CFTR: variants seen among roughly 807,000 people sequenced by gnomAD.
CFTR encodes the protein cystic fibrosis transmembrane conductance regulator.
Under a neutral mutation model 171.6 loss-of-function variants are expected in CFTR, and 181 were observed. The observed-to-expected ratio is 1.05, with a 90% CI of 0.93 to 1.19. The LOEUF (loss-of-function observed/expected upper bound fraction) is 1.19, where lower values mean the gene tolerates loss of function less well. Ranked by LOEUF, CFTR falls within the 50% of genes most tolerant of loss-of-function variation. CFTR has a pLI of 0.00. For missense variants in CFTR, 1,968 were observed against 1,734.7 expected, an observed-to-expected ratio of 1.13 and a Z score of -2.39; for synonymous variants, 583 against 608.0, an observed-to-expected ratio of 0.96 and a Z score of 0.60.
At position 117,548,713 on chromosome 7, in the gene CFTR, C is replaced by G; in HGVS notation, c.1282C>G (p.Leu428Val). The G allele has an allele frequency of 1.9e-6, 3 of 1,613,404 alleles. No individual in the cohort carries two copies. The highest frequency in any genetic ancestry group is 1.1e-5 in the South Asian group (1 of 91,036). ...NRKTSNGDDS[L>V]FFSNFSLLGT... ...AAAAACTTCTAATGGTGATGACAGC[C>G]TCTTCTTCAGTAATTTCTCACTTCT... The change falls in exon 10 of 27, where the codon CTC becomes GTC. Residue 428 changes from leucine to valine, a missense_variant. Transcript: ENST00000003084.
intron 4 of CFTR, among the ~76,000 whole-genome samples, chr7:117,533,467 G>C (rs746398832): frequency 3.9e-5 from 6 of 152,070 alleles, no homozygotes; most frequent in Non-Finnish European, 8.8e-5. Context: ...CCTTGAAGAA[G>C]GGATTGTGTT....
intron 11 of CFTR, among the ~76,000 whole-genome samples, chr7:117,567,366 A>G (rs34063663): frequency 1.1e-4 from 16 of 152,348 alleles, no homozygotes; most frequent in Admixed American, 1.0e-3. Context: ...CTATAGCCAT[A>G]GAAAAATATT....
At position 117,531,068 on chromosome 7, in the gene CFTR, T is replaced by C. The variant is rs35516286; in HGVS notation, c.443T>C (p.Ile148Thr). The C allele has an allele frequency of 1.5e-3, 2,383 of 1,613,710 alleles. 12 individuals are homozygous for C. Among genetic ancestry groups the C allele is most frequent in the Middle Eastern group, 6.8e-3 (41 of 6,056 alleles). Residue 148 changes from isoleucine to threonine, a missense_variant, in exon 4 of 27, where the codon ATT (isoleucine) becomes ACT (threonine). Physicochemically the swap from Ile to Thr is moderately conservative, Grantham distance 89. Coordinates refer to ENST00000003084, the MANE Select transcript of CFTR (RefSeq NM_000492.4). ...CCAGCCATTTTTGGCCTTCATCACA[T>C]TGGAATGCAGATGAGAATAGCTATG... ...LHPAIFGLHH[I>T]GMQMRIAMFS...
chr7:117,590,565 A>G (rs146702478), intron 13 of CFTR, 126 bp downstream of exon 13: 1 of 1,206,720 alleles, frequency 8.3e-7, no homozygotes. Flanking sequence ...GGCAGAATGT[A>G]GCATGGTATT....
At chr7:117,568,902 C>A (rs947251104) in intron 11 of CFTR, among the ~76,000 whole-genome samples, 11 of 152,154 alleles carry the variant, frequency 7.2e-5, no homozygotes, top group Non-Finnish European at 1.2e-4. Context: ...TCTTCCCATT[C>A]GTCTCTCCTC....
chr7:117,612,686 G>A (rs139002145), intron 20 of CFTR, among the ~76,000 whole-genome samples: 1 of 152,106 alleles, frequency 6.6e-6, no homozygotes, highest in Non-Finnish European at 1.5e-5. Context: ...ATTTGCTGGA[G>A]TTACAGAAAG....
At chr7:117,522,481 A>G (rs1798699578) in intron 3 of CFTR, among the ~76,000 whole-genome samples, 1 of 152,216 alleles carries the variant, frequency 6.6e-6, no homozygotes, top group African/African-American at 2.4e-5. Context: ...TTTCACCATC[A>G]CGCTGGCTTA....
In CFTR at chr7:117,594,998, T is replaced by G; in HGVS notation, c.2559T>G (p.Ile853Met). The change falls in exon 15 of 27, where the codon ATT becomes ATG. Residue 853 changes from isoleucine to methionine, a missense_variant. Ile to Met is a conservative substitution (Grantham distance 10, BLOSUM62 1). Coordinates refer to ENST00000003084, the MANE Select transcript of CFTR (RefSeq NM_000492.4). ...CATGGAACACATACCTTCGATATAT[T>G]ACTGTCCACAAGAGCTTAATTTTTG... is the stretch of plus-strand genomic sequence containing the variant. ...VTTWNTYLRYITVHKSLIFVL... is the reference protein window; with the variant it reads ...VTTWNTYLRYMTVHKSLIFVL... 6.2e-7 allele frequency: 1 copy of G among 1,613,018 alleles called. No homozygotes were observed. The highest frequency in any genetic ancestry group is 8.5e-7 in the Non-Finnish European group (1 of 1,179,312).
In CFTR at chr7:117,533,794, G is replaced by A. The variant is rs144789019; in HGVS notation, c.490-482G>A. Among the ~76,000 whole-genome samples, 147 of 152,010 alleles carry A rather than the reference G, an allele frequency of 9.7e-4. 3 individuals are homozygous for A. Among genetic ancestry groups the A allele is most frequent in the Middle Eastern group, 6.8e-3 (2 of 294 alleles). On this transcript the variant is annotated intron_variant, in intron 4 of 26. Transcript: ENST00000003084. Reference sequence around the variant, plus strand: ...TTTCTTTGTAAAATTTAAGAATTTTGTATTAATAAACTTTTTTACAAAAGT... The same window carrying A: ...TTTCTTTGTAAAATTTAAGAATTTTATATTAATAAACTTTTTTACAAAAGT...
intron 7 of CFTR, among the ~76,000 whole-genome samples, chr7:117,538,161 T>C (rs1279981269): frequency 6.6e-6 from 1 of 152,180 alleles, no homozygotes; most frequent in Non-Finnish European, 1.5e-5. Context: ...GACATAAATA[T>C]GGGACAGCAA....
At chr7:117,650,074 G>C (rs903706672) in intron 23 of CFTR, among the ~76,000 whole-genome samples, 13 of 151,862 alleles carry the variant, frequency 8.6e-5, no homozygotes, top group African/African-American at 2.9e-4. Context: ...AAGTAGGAGG[G>C]GCTAAACCAT....
chr7:117,500,622 A>C (rs1798309649), intron 1 of CFTR, among the ~76,000 whole-genome samples: 2 of 152,074 alleles, frequency 1.3e-5, no homozygotes, highest in Admixed American at 1.3e-4. Flanking sequence ...AATTTTATTG[A>C]TTTAACCTCA....
chr7:117,519,785 A>G (rs533392288), intron 3 of CFTR, among the ~76,000 whole-genome samples: 110 of 152,074 alleles, frequency 7.2e-4, no homozygotes, highest in Non-Finnish European at 1.4e-3. Flanking sequence ...ATATGGCTGT[A>G]CCATGATTTA....
intron 15 of CFTR, among the ~76,000 whole-genome samples, chr7:117,600,091 A>G (rs1297592329): frequency 1.3e-5 from 2 of 151,990 alleles, no homozygotes; most frequent in Non-Finnish European, 2.9e-5. Flanking sequence ...GCAATATGAA[A>G]TATGTAGTCT....
At chr7:117,584,774 C>T (rs903955532) in intron 11 of CFTR, among the ~76,000 whole-genome samples, 7 of 152,020 alleles carry the variant, frequency 4.6e-5, no homozygotes, top group Non-Finnish European at 1.0e-4. Context: ...TGGTCATTTT[C>T]ATAGTATTGA....
chr7:117,633,336 AT>A lies in CFTR; in HGVS notation c.3717+5574del, dbSNP rs373569782. Among the ~76,000 whole-genome samples the A allele has an allele frequency of 2.3e-4, 35 of 151,960 alleles. No individual in the cohort carries two copies. The East Asian group carries it at 4.4e-3, about 19-fold the overall frequency. On this transcript the variant is annotated intron_variant, in intron 22 of 26. Coordinates refer to ENST00000003084, the MANE Select transcript of CFTR (RefSeq NM_000492.4). ...TTCATTGCTGTTATATAGGAAAATGATTTTTTTTGCATGTTAGCCTTATATC... is the reference window on the plus strand; with the variant it reads ...TTCATTGCTGTTATATAGGAAAATGATTTTTTTGCATGTTAGCCTTATATC...
intron 26 of CFTR, among the ~76,000 whole-genome samples, chr7:117,666,428 G>T (rs945358003): frequency 1.3e-5 from 2 of 152,102 alleles, no homozygotes; most frequent in African/African-American, 4.8e-5. Context: ...GCCCTGCCAT[G>T]GACAAGTTCA....
In CFTR at chr7:117,594,919, C is replaced by A. The variant is rs397508384; in HGVS notation, c.2491-11C>A. 1 of 1,612,112 alleles carries A rather than the reference C, an allele frequency of 6.2e-7. No homozygotes were observed. ...CTGTCTTATTGTAATAGCCATAATT[C>A]TTTTATTCAGGAGTGCTTTTTTGAT... On this transcript the variant is annotated splice_polypyrimidine_tract_variant and intron_variant, in intron 14 of 26. Transcript: ENST00000003084.
intron 11 of CFTR, among the ~76,000 whole-genome samples, chr7:117,568,828 A>C (rs1463417273): frequency 1.3e-5 from 2 of 152,172 alleles, no homozygotes; most frequent in African/African-American, 4.8e-5. Flanking sequence ...TGGCCACACT[A>C]TACAATAGAG....
Sources: gnomAD v4.1 joint callset for allele counts (sites outside exome capture counted in the v4.1 genomes callset) on GRCh38, gnomAD v4.1.1 for gene constraint, MANE v1.5 for transcripts, NCBI Gene and HGNC (gene_info 2026-07-23, HGNC 2026-07-21) for gene names.